DLG1: variants seen among roughly 807,000 people sequenced by gnomAD.
The protein encoded by DLG1 is disks large homolog 1.
A neutral mutation model predicts 123.4 loss-of-function variants in DLG1; 42 were observed. The ratio of observed to expected loss-of-function variants is 0.34; its 90% CI spans 0.27 to 0.44. The LOEUF is 0.44. Among genes scored for constraint, DLG1 ranks in the 20% least tolerant of loss-of-function variants. The pLI, the probability that DLG1 is intolerant of heterozygous loss-of-function variation, is 1.00. For missense variants in DLG1, 942 were observed against 1,082.6 expected (o/e 0.87, Z 1.82); for synonymous variants, 317 against 356.2 (o/e 0.89, Z 1.24).
At chr3:197,192,966 A>G (rs2150244657) in intron 5 of DLG1, among the ~76,000 whole-genome samples, 1 of 152,302 alleles carries the variant, frequency 6.6e-6, no homozygotes, top group African/African-American at 2.4e-5. Flanking sequence ...ATTTGAAAAT[A>G]TATCTGAAAT....
chr3:197,104,520 A>G (rs1223466866), intron 14 of DLG1, among the ~76,000 whole-genome samples: 2 of 152,190 alleles, frequency 1.3e-5, no homozygotes, highest in East Asian at 3.9e-4. Flanking sequence ...TATCTCTACT[A>G]AAAATACAAA....
intron 4 of DLG1, among the ~76,000 whole-genome samples, chr3:197,242,114 A>C (rs1749209025): frequency 6.6e-6 from 1 of 152,164 alleles, no homozygotes; most frequent in African/African-American, 2.4e-5. Flanking sequence ...ATTTCATGCA[A>C]CTGGAAACCA....
At position 197,194,647 on chromosome 3, in the gene DLG1, C is replaced by T. The variant is rs912966352; in HGVS notation, c.319-58G>A. ...TAAGCAACATGAGTTTAATTCAAATCATGGTTTTCATAACTAGCCAAATAC... is the reference window on the plus strand; with the variant it reads ...TAAGCAACATGAGTTTAATTCAAATTATGGTTTTCATAACTAGCCAAATAC... On this transcript the variant is annotated intron_variant, in intron 4 of 24. Coordinates refer to ENST00000667157, the MANE Select transcript of DLG1 (RefSeq NM_001366207.1). 2.8e-5 allele frequency: 36 copies of T among 1,287,790 alleles called. No homozygotes were observed. The African/African-American group carries it at 3.4e-4, about 12-fold the overall frequency. 79.8% of individuals were successfully genotyped at this position (1,287,790 alleles called of 1,614,324 possible).
chr3:197,201,847 G>C (rs1296699057), intron 4 of DLG1, among the ~76,000 whole-genome samples: 3 of 152,024 alleles, frequency 2.0e-5, no homozygotes, highest in African/African-American at 7.2e-5. Flanking sequence ...AACCAAAAAA[G>C]AGCCCAAATA....
rs1467233192 is a variant in DLG1 at position 197,143,671 on chromosome 3, C to T, written c.538-903G>A. 2.0e-5 allele frequency among the ~76,000 whole-genome samples: 3 copies of T among 152,164 alleles called. No individual in the cohort carries two copies. In the East Asian group the frequency reaches 5.8e-4, roughly 29 times the overall value. Reference sequence around the variant, plus strand: ...TAATCATGTCTTCGAATGAACTGACCCCAATGTACTACTTCCCTTCATTCT... The same window carrying T: ...TAATCATGTCTTCGAATGAACTGACTCCAATGTACTACTTCCCTTCATTCT... On this transcript the variant is annotated intron_variant, in intron 6 of 24. Coordinates refer to ENST00000667157, the MANE Select transcript of DLG1 (RefSeq NM_001366207.1).
intron 4 of DLG1, among the ~76,000 whole-genome samples, chr3:197,266,580 T>A (rs1351600720): frequency 6.6e-6 from 1 of 152,014 alleles, no homozygotes; most frequent in Non-Finnish European, 1.5e-5. Flanking sequence ...ATCACTGCAC[T>A]GCAGCCTGGG....
Position 197,260,494 on chromosome 3 carries a change from G to A in DLG1, c.318+22185C>T, listed in dbSNP as rs188432552. ...AATACAAGAAACCAGAGTCTGTCACGTGCCCTACAATCTTCTTTATGTAAT... is the reference window on the plus strand; with the variant it reads ...AATACAAGAAACCAGAGTCTGTCACATGCCCTACAATCTTCTTTATGTAAT... On this transcript the variant is annotated intron_variant, in intron 4 of 24. Coordinates refer to ENST00000667157, the MANE Select transcript of DLG1 (RefSeq NM_001366207.1). 7.4e-4 allele frequency: 143 copies of A among 192,542 alleles called. 1 individual carries two copies. The highest frequency in any genetic ancestry group is 3.0e-3 in the African/African-American group (126 of 42,088). The allele number at this position is 192,542 out of a possible 1,614,324, so 11.9% of individuals were successfully genotyped here.
chr3:197,140,650 T>C (rs1336865763), intron 7 of DLG1, among the ~76,000 whole-genome samples: 1 of 152,202 alleles, frequency 6.6e-6, no homozygotes, highest in Admixed American at 6.5e-5. Context: ...AATGCTGAAG[T>C]GATCTTCCCG....
At chr3:197,101,005 G>A (rs1370204865) in intron 14 of DLG1, among the ~76,000 whole-genome samples, 1 of 151,982 alleles carries the variant, frequency 6.6e-6, no homozygotes, top group Non-Finnish European at 1.5e-5. Context: ...TAGATTAGGT[G>A]TACAAGCTTT....
chr3:197,289,512 T>G (rs1422628552), intron 3 of DLG1, among the ~76,000 whole-genome samples: 1 of 152,224 alleles, frequency 6.6e-6, no homozygotes, highest in East Asian at 1.9e-4. Flanking sequence ...AAATTTATTT[T>G]GGAGGGTTAC....
intron 4 of DLG1, among the ~76,000 whole-genome samples, chr3:197,229,939 C>T (rs1742026871): frequency 6.6e-6 from 1 of 152,192 alleles, no homozygotes; most frequent in Non-Finnish European, 1.5e-5. Flanking sequence ...GGAGGAGTCA[C>T]ATAATTTATC....
chr3:197,081,015 A>T, intron 17 of DLG1, 36 bp downstream of exon 17: 1 of 1,571,870 alleles, frequency 6.4e-7, no homozygotes, highest in Non-Finnish European at 8.7e-7. Context: ...TAGCTCAAAC[A>T]GGAATTACAA....
intron 4 of DLG1, among the ~76,000 whole-genome samples, chr3:197,207,004 T>C (rs556469750): frequency 7.2e-4 from 109 of 152,328 alleles, no homozygotes; most frequent in South Asian, 5.0e-3. Flanking sequence ...GTTTTTGTAA[T>C]GAAGTTGTAG....
At chr3:197,199,435 T>C (rs1435094070) in intron 4 of DLG1, among the ~76,000 whole-genome samples, 2 of 152,172 alleles carry the variant, frequency 1.3e-5, no homozygotes, top group Non-Finnish European at 2.9e-5. Flanking sequence ...ATAGTGTATA[T>C]AAAGTCCTTC....
chr3:197,140,129 G>C lies in DLG1; in HGVS notation c.713+11C>G. Reference sequence around the variant, plus strand: ...TGGATTCAGCATCACAATAAAAAGCGCAAAACATACCGCAATCTTCCATCT... The same window carrying C: ...TGGATTCAGCATCACAATAAAAAGCCCAAAACATACCGCAATCTTCCATCT... On this transcript the variant is annotated intron_variant, in intron 8 of 24. Coordinates refer to ENST00000667157, the MANE Select transcript of DLG1 (RefSeq NM_001366207.1). The C allele has an allele frequency of 6.2e-7, 1 of 1,610,496 alleles. No individual in the cohort carries two copies. The highest frequency in any genetic ancestry group is 8.5e-7 in the Non-Finnish European group (1 of 1,178,162).
chr3:197,070,918 G>A (rs1478290718), intron 18 of DLG1: 1 of 151,894 alleles, frequency 6.6e-6, no homozygotes, highest in Non-Finnish European at 1.5e-5. Flanking sequence ...TTCTTTCCAT[G>A]TCACCACATG....
intron 4 of DLG1, among the ~76,000 whole-genome samples, chr3:197,227,929 A>G (rs1578350915): frequency 1.3e-5 from 2 of 152,228 alleles, no homozygotes; most frequent in Non-Finnish European, 2.9e-5. Flanking sequence ...AGAAAAAGTA[A>G]ACTGTGCTCC....
intron 3 of DLG1, among the ~76,000 whole-genome samples, chr3:197,294,224 T>C (rs962439314): frequency 2.0e-5 from 3 of 152,190 alleles, no homozygotes; most frequent in African/African-American, 7.2e-5. Flanking sequence ...AATCTATTAC[T>C]TGTCTTACAC....
intron 18 of DLG1, chr3:197,070,249 T>G (rs1742710339): frequency 6.6e-6 from 1 of 151,596 alleles, no homozygotes; most frequent in Non-Finnish European, 1.5e-5. Flanking sequence ...TTTTTTTTTT[T>G]TTTTTAATTA....
Sources: gnomAD v4.1 joint callset for allele counts (sites outside exome capture counted in the v4.1 genomes callset) on GRCh38, gnomAD v4.1.1 for gene constraint, MANE v1.5 for transcripts, NCBI Gene and HGNC (gene_info 2026-07-23, HGNC 2026-07-21) for gene names.